CUL9: variants seen among roughly 807,000 people sequenced by gnomAD.
CUL9 encodes cullin-9.
CUL9 carries 79 observed loss-of-function variants against 272.6 expected under a neutral mutation model. The ratio of observed to expected loss-of-function variants is 0.29; its 90% CI spans 0.24 to 0.35. The LOEUF is 0.35. Among genes scored for constraint, CUL9 ranks in the 10% least tolerant of loss-of-function variants. The pLI, the probability that CUL9 is intolerant of heterozygous loss-of-function variation, is 1.00. For missense variants in CUL9, 2,532 were observed against 3,255.6 expected (o/e 0.78, Z 5.41); for synonymous variants, 1,186 against 1,286.5 (o/e 0.92, Z 1.67).
At chr6:43,194,270 G>A (rs1773793550) in intron 9 of CUL9, among the ~76,000 whole-genome samples, 1 of 152,012 alleles carries the variant, frequency 6.6e-6, no homozygotes, top group African/African-American at 2.4e-5. Context: ...GCCAGGAGGC[G>A]CTTTTCTTTT....
chr6:43,202,614 C>T (rs1295790884), intron 16 of CUL9, 102 bp from the exon 17 acceptor site: 1 of 941,462 alleles, frequency 1.1e-6, no homozygotes, highest in African/African-American at 1.6e-5. Context: ...AAACTAGCCT[C>T]AAGCGATCCT....
chr6:43,200,640 C>T lies in CUL9; in HGVS notation c.3476-23C>T, dbSNP rs41274932. On this transcript the variant is annotated intron_variant, in intron 15 of 40. Coordinates refer to ENST00000252050, the MANE Select transcript of CUL9 (RefSeq NM_015089.4). The surrounding 1 kb of genome is among the most constrained non-coding windows in gnomAD (Gnocchi z 4.0). ...TCTCAACTAACCTAGCTGTGACTGC[C>T]ACCCCTTCCCACTTGCCCCCAGGCT... The T allele has an allele frequency of 1.4e-3, 2,316 of 1,614,072 alleles. 23 individuals carry two copies. In the African/African-American group the frequency reaches 0.028, roughly 19 times the overall value.
In CUL9 at chr6:43,203,486, C is replaced by G. The variant is rs374291463; in HGVS notation, c.3919C>G (p.Arg1307Gly). ...GPKPTFWPLF[R>G]EQLCRRTCLF... ...TAAGCCCACATTCTGGCCACTGTTC[C>G]GGGAGCAGCTGTGTCGCCGAACATG... The change falls in exon 19 of 41, where the codon CGG becomes GGG. Residue 1307 changes from arginine (R) to glycine (G), a missense_variant. This residue lies in a region of CUL9 where 2,218 missense variants were observed against 2,788.6 expected (regional missense o/e 0.80). Transcript: ENST00000252050. This position sits in a 1 kb window ranked among gnomAD's most constrained non-coding sequence, Gnocchi z 5.0. The G allele has an allele frequency of 1.2e-6, 2 of 1,614,122 alleles. No individual in the cohort carries two copies. Among genetic ancestry groups the G allele is most frequent in the Non-Finnish European group, 8.5e-7 (1 of 1,180,014 alleles).
intron 21 of CUL9, 95 bp downstream of exon 21, chr6:43,204,634 G>A (rs901050845): frequency 8.2e-6 from 13 of 1,578,322 alleles, no homozygotes; most frequent in East Asian, 6.7e-5. Context: ...CTTTGCTACC[G>A]GCCTTTCCAG....
intron 4 of CUL9, 21 bp downstream of exon 4, chr6:43,186,476 A>T: frequency 6.4e-7 from 1 of 1,567,720 alleles, no homozygotes; most frequent in South Asian, 1.2e-5. Flanking sequence ...CATGGTGGTG[A>T]GACACTGTTG....
chr6:43,201,287 G>T (rs1774510012), intron 16 of CUL9, among the ~76,000 whole-genome samples: 1 of 152,176 alleles, frequency 6.6e-6, no homozygotes, highest in Non-Finnish European at 1.5e-5. Context: ...TGACAGGCAT[G>T]AGAGCAGACT....
In CUL9 at chr6:43,222,301, A is replaced by C. The variant is rs778102237; in HGVS notation, c.6847-15A>C. ...AACAAAACACCCAATAGCCCTCCCAACGTATCCTTGCTAGGTAAGCAAGGC... is the reference window on the plus strand; with the variant it reads ...AACAAAACACCCAATAGCCCTCCCACCGTATCCTTGCTAGGTAAGCAAGGC... On this transcript the variant is annotated splice_polypyrimidine_tract_variant and intron_variant, in intron 35 of 40. Coordinates refer to ENST00000252050, the MANE Select transcript of CUL9 (RefSeq NM_015089.4). 1 of 1,612,856 alleles carries C rather than the reference A, an allele frequency of 6.2e-7. No homozygotes were observed. The highest frequency in any genetic ancestry group is 1.1e-5 in the South Asian group (1 of 91,064).
rs1774708628 is a variant in CUL9 at position 43,202,777 on chromosome 6, T to G, written c.3709T>G (p.Phe1237Val). Residue 1237 changes from phenylalanine to valine, a missense_variant, in exon 17 of 41, where the codon TTT (phenylalanine) becomes GTT (valine). Physicochemically the swap from Phe to Val is conservative, Grantham distance 50 (BLOSUM62 -1). Coordinates refer to ENST00000252050, the MANE Select transcript of CUL9 (RefSeq NM_015089.4). ...CTACATGCCAGCCAGGGTGGTGGTGTTTGGGGGTGACAGCACCAGCTGCAT... is the reference window on the plus strand; with the variant it reads ...CTACATGCCAGCCAGGGTGGTGGTGGTTGGGGGTGACAGCACCAGCTGCAT... Reference protein sequence around the residue: ...SSYMPARVVVFGGDSTSCIGT... With the variant: ...SSYMPARVVVVGGDSTSCIGT... 8 of 1,613,752 alleles carry G rather than the reference T, an allele frequency of 5.0e-6. No individual in the cohort carries two copies. The Admixed American group carries it at 6.7e-5, about 13-fold the overall frequency.
chr6:43,187,623 G>A, intron 6 of CUL9, 90 bp from the exon 7 acceptor site: 1 of 1,430,204 alleles, frequency 7.0e-7, no homozygotes. Context: ...AGGTGTGGGG[G>A]CATGGTAGGG....
Position 43,223,889 on chromosome 6 carries a change from G to C in CUL9, c.7285-206G>C. Reference sequence around the variant, plus strand: ...AGATTCTGTAAGCTCTTTAAGCACAGGGTCGTGTGCCTCACCTGGTACCCC... The same window carrying C: ...AGATTCTGTAAGCTCTTTAAGCACACGGTCGTGTGCCTCACCTGGTACCCC... On this transcript the variant is annotated intron_variant, in intron 39 of 40. Transcript: ENST00000252050. The surrounding 1 kb of genome is among the most constrained non-coding windows in gnomAD (Gnocchi z 4.1). 1.6e-6 allele frequency: 1 copy of C among 606,706 alleles called. No individual in the cohort carries two copies. The highest frequency in any genetic ancestry group is 2.9e-6 in the Non-Finnish European group (1 of 339,070). The allele number at this position is 606,706 out of a possible 1,614,324, so 37.6% of individuals were successfully genotyped here.
intron 8 of CUL9, among the ~76,000 whole-genome samples, chr6:43,191,507 C>CTTTTTTTTTTTTTTTTTTTTTTT (rs1554167922): frequency 1.6e-3 from 115 of 73,090 alleles, no homozygotes; most frequent in African/African-American, 4.1e-3. Flanking sequence ...TTTTTTTTTA[C>CTTTTTTTTTTTTTTTTTTTTTTT]TTTTTGTAGA....
In CUL9 at chr6:43,223,725, G is replaced by C. The variant is rs1776571634; in HGVS notation, c.7284+328G>C. On this transcript the variant is annotated intron_variant, in intron 39 of 40. Coordinates refer to ENST00000252050, the MANE Select transcript of CUL9 (RefSeq NM_015089.4). The surrounding 1 kb of genome is among the most constrained non-coding windows in gnomAD (Gnocchi z 4.1). ...TAGGGATTTGAAATCCTAAGAGTGG[G>C]CATCAGGGGATTGGGGTCACTGGAG... 2 of 498,060 alleles carry C rather than the reference G, an allele frequency of 4.0e-6. No individual in the cohort carries two copies. Among genetic ancestry groups the C allele is most frequent in the Non-Finnish European group, 7.3e-6 (2 of 275,568 alleles). 30.9% of individuals were successfully genotyped at this position (498,060 alleles called of 1,614,324 possible).
At chr6:43,210,681 C>G (rs1775401046) in intron 26 of CUL9, among the ~76,000 whole-genome samples, 1 of 152,058 alleles carries the variant, frequency 6.6e-6, no homozygotes, top group African/African-American at 2.4e-5. Flanking sequence ...ACCTGACAAT[C>G]TCTTTTTAAG....
At chr6:43,217,798 G>A (rs1776044481) in intron 31 of CUL9, among the ~76,000 whole-genome samples, 1 of 151,952 alleles carries the variant, frequency 6.6e-6, no homozygotes, top group African/African-American at 2.4e-5. Context: ...GGATTTATGT[G>A]CATAGCACTG....
At position 43,200,980 on chromosome 6, in the gene CUL9, C is replaced by A; in HGVS notation, c.3647+146C>A. 1 of 992,906 alleles carries A rather than the reference C, an allele frequency of 1.0e-6. No individual in the cohort carries two copies. Among genetic ancestry groups the A allele is most frequent in the Non-Finnish European group, 1.5e-6 (1 of 665,240 alleles). 61.5% of individuals were successfully genotyped at this position (992,906 alleles called of 1,614,324 possible). A position where few individuals can be genotyped will look rare whatever the true frequency, so the allele number is the denominator to read the frequency against. On this transcript the variant is annotated intron_variant, in intron 16 of 40. Coordinates refer to ENST00000252050, the MANE Select transcript of CUL9 (RefSeq NM_015089.4). The surrounding 1 kb of genome is among the most constrained non-coding windows in gnomAD (Gnocchi z 4.0). Reference sequence around the variant, plus strand: ...GCAGTGAACACATAGACACATTGACCTGCCTTTGCTGAGTATAGACATCCC... The same window carrying A: ...GCAGTGAACACATAGACACATTGACATGCCTTTGCTGAGTATAGACATCCC...
chr6:43,185,931 T>C (rs779785417), intron 3 of CUL9, 24 bp from the exon 4 acceptor site: 1 of 1,571,862 alleles, frequency 6.4e-7, no homozygotes, highest in East Asian at 2.3e-5. Flanking sequence ...GAGATGAACC[T>C]GTCCCAAGGA....
At chr6:43,185,143 T>C (rs1772790877) in intron 2 of CUL9, among the ~76,000 whole-genome samples, 1 of 152,244 alleles carries the variant, frequency 6.6e-6, no homozygotes, top group African/African-American at 2.4e-5. Context: ...ATAGGACTTA[T>C]CTGTATTTTT....
rs1255321012 is a variant in CUL9 at position 43,188,598 on chromosome 6, T to C, written c.2063T>C (p.Val688Ala). The C allele has an allele frequency of 3.1e-6, 5 of 1,614,110 alleles. No individual in the cohort carries two copies. Among genetic ancestry groups the C allele is most frequent in the Non-Finnish European group, 4.2e-6 (5 of 1,180,042 alleles). ...DQHVAAVVATVQISSLDTNLQ... is the reference protein window; with the variant it reads ...DQHVAAVVATAQISSLDTNLQ... The stretch of plus-strand genomic sequence containing the variant: ...CATGTGGCAGCGGTCGTGGCCACTG[T>C]GCAGATATCCAGCTTGGACACAAAC... Residue 688 changes from valine (V) to alanine (A), a missense_variant, in exon 8 of 41, where the codon GTG becomes GCG. Around this residue, in one of 3 missense-constraint regions of CUL9, gnomAD observed 2,218 missense variants for 2,788.6 expected, o/e 0.80. Transcript: ENST00000252050.
Position 43,213,014 on chromosome 6 carries a change from G to C in CUL9, c.5213-135G>C, listed in dbSNP as rs1775643092. 3.1e-6 allele frequency: 3 copies of C among 958,948 alleles called. No homozygotes were observed. The highest frequency in any genetic ancestry group is 3.3e-5 in the South Asian group (2 of 59,992). The allele number at this position is 958,948 out of a possible 1,614,324, so 59.4% of individuals were successfully genotyped here. A position where few individuals can be genotyped will look rare whatever the true frequency, so the allele number is the denominator to read the frequency against. On this transcript the variant is annotated intron_variant, in intron 26 of 40. Transcript: ENST00000252050. The surrounding 1 kb of genome is among the most constrained non-coding windows in gnomAD (Gnocchi z 5.7). ...AGGCTGAGATCTGGAAGCTTGACAA[G>C]GTATCTCTCTGTCTGAAAATGCTGG...
Sources: allele counts gnomAD v4.1 joint callset (sites outside exome capture counted in the v4.1 genomes callset), GRCh38; gene constraint gnomAD v4.1.1; regional missense constraint gnomAD v4.1.1; non-coding constraint Gnocchi (gnomAD v3.1); transcripts MANE v1.5; gene names NCBI Gene and HGNC (gene_info 2026-07-23, HGNC 2026-07-21).